The following MANEA variants were observed in gnomAD, a reference collection of about 807,000 sequenced individuals.
MANEA encodes mannosidase endo-alpha.
In MANEA, 25 loss-of-function variants were observed where a neutral mutation model predicts 36.8. The ratio of observed to expected loss-of-function variants is 0.68; its 90% CI spans 0.50 to 0.95. MANEA has a LOEUF of 0.95. Among genes scored for constraint, MANEA ranks in the 40% least tolerant of loss-of-function variants. MANEA has a pLI of 0.00. For synonymous variants in MANEA, 198 were observed against 188.5 expected (o/e 1.05, Z -0.41); for missense variants, 565 against 558.8 (o/e 1.01, Z -0.11).
intron 1 of MANEA, among the ~76,000 whole-genome samples, chr6:95,581,373 C>T (rs1562194597): frequency 1.3e-5 from 2 of 151,768 alleles, no homozygotes; most frequent in Admixed American, 6.6e-5. Context: ...AGAGGATCAG[C>T]TTAAGAAATT....
At position 95,594,032 on chromosome 6, in the gene MANEA, A is replaced by G. The variant is rs939528234; in HGVS notation, c.545-2705A>G. ...AGCTGAGATTGTGCCACTGCACTCC[A>G]GCCTGGCAACAGAGCAAGATTCCGT... On this transcript the variant is annotated intron_variant, in intron 2 of 4. Transcript: ENST00000358812. 2.0e-5 allele frequency among the ~76,000 whole-genome samples: 3 copies of G among 152,120 alleles called. No homozygotes were observed. In the East Asian group the frequency reaches 5.8e-4, roughly 29 times the overall value.
At chr6:95,599,930 C>T (rs1769556469) in intron 3 of MANEA, among the ~76,000 whole-genome samples, 1 of 152,120 alleles carries the variant, frequency 6.6e-6, no homozygotes, top group African/African-American at 2.4e-5. Flanking sequence ...GGTGCCCAGG[C>T]TGAGGTTGGG....
At chr6:95,601,286 A>C (rs966253900) in intron 3 of MANEA, among the ~76,000 whole-genome samples, 1 of 152,192 alleles carries the variant, frequency 6.6e-6, no homozygotes, top group Non-Finnish European at 1.5e-5. Context: ...TGAGTAAGAC[A>C]TGACAGAAAT....
intron 3 of MANEA, 67 bp downstream of exon 3, chr6:95,596,913 T>G: frequency 1.5e-6 from 1 of 681,064 alleles, no homozygotes; most frequent in Admixed American, 2.4e-5. Flanking sequence ...GTAATAACAA[T>G]TTTTGAAATA....
At chr6:95,597,694 A>G (rs1769506019) in intron 3 of MANEA, among the ~76,000 whole-genome samples, 1 of 152,044 alleles carries the variant, frequency 6.6e-6, no homozygotes, top group Admixed American at 6.6e-5. Flanking sequence ...ATAACTCTGA[A>G]ATTTAAGTGA....
At chr6:95,599,453 T>C (rs1769548934) in intron 3 of MANEA, among the ~76,000 whole-genome samples, 1 of 151,758 alleles carries the variant, frequency 6.6e-6, no homozygotes, top group African/African-American at 2.4e-5. Flanking sequence ...TTCTTTTAAC[T>C]AGAGACCACT....
At chr6:95,580,149 A>G (rs1394993075) in intron 1 of MANEA, among the ~76,000 whole-genome samples, 1 of 152,114 alleles carries the variant, frequency 6.6e-6, no homozygotes, top group Non-Finnish European at 1.5e-5. Flanking sequence ...TAATATGTTC[A>G]GTATACACCG....
chr6:95,606,133 A>G lies in MANEA; in HGVS notation c.1117A>G (p.Thr373Ala), dbSNP rs775802876. The G allele has an allele frequency of 1.9e-6, 3 of 1,613,976 alleles. No homozygotes were observed. In the South Asian group the frequency reaches 3.3e-5, roughly 18 times the overall value. Residue 373 changes from threonine to alanine, a missense_variant, in exon 5 of 5, where the codon ACT (threonine) becomes GCT (alanine). Physicochemically the swap from Thr to Ala is moderately conservative, Grantham distance 58. Coordinates refer to ENST00000358812, the MANE Select transcript of MANEA (RefSeq NM_024641.4). ...TSIRPWNTQN[T>A]RNRINGKYYE... Reference sequence around the variant, plus strand: ...CATCCGTCCATGGAACACGCAAAACACTCGGAACCGAATCAATGGGAAGTA... The same window carrying G: ...CATCCGTCCATGGAACACGCAAAACGCTCGGAACCGAATCAATGGGAAGTA...
In MANEA at chr6:95,605,841, T is replaced by C; in HGVS notation, c.825T>C (p.Pro275=). 1 of 1,613,950 alleles carries C rather than the reference T, an allele frequency of 6.2e-7. No homozygotes were observed. The highest frequency in any genetic ancestry group is 1.1e-5 in the South Asian group (1 of 91,068). The change falls in exon 5 of 5, where the codon CCT becomes CCC. Residue 275 remains proline, a synonymous_variant. Transcript: ENST00000358812. The part of the protein sequence containing the change: ...FYVYDSYITK[P]EKWANLLTTS... ...TCTATGATTCCTATATTACCAAGCC[T>C]GAAAAATGGGCCAATCTGTTAACCA...
intron 1 of MANEA, among the ~76,000 whole-genome samples, chr6:95,581,750 C>A (rs1338442383): frequency 6.6e-6 from 1 of 152,140 alleles, no homozygotes; most frequent in African/African-American, 2.4e-5. Flanking sequence ...CAGCTGAAGT[C>A]AACGTTTCAA....
chr6:95,591,527 G>A (rs1309790816), intron 2 of MANEA, among the ~76,000 whole-genome samples: 1 of 151,476 alleles, frequency 6.6e-6, no homozygotes, highest in Non-Finnish European at 1.5e-5. Flanking sequence ...TTTTCTGGCT[G>A]CATTTAATTT....
intron 3 of MANEA, among the ~76,000 whole-genome samples, chr6:95,604,044 GCGTATATA>G (rs1175486818): frequency 7.7e-6 from 1 of 130,474 alleles, no homozygotes; most frequent in Non-Finnish European, 1.6e-5. Context: ...ATGTATGTGT[GCGTATATA>G]TGTATGTAGG....
intron 4 of MANEA, 129 bp downstream of exon 4, chr6:95,605,032 T>C (rs1217097729): frequency 5.1e-6 from 2 of 393,034 alleles, no homozygotes; most frequent in Non-Finnish European, 9.2e-6. Context: ...TAAAATTAAA[T>C]TGTTATTGTA....
At chr6:95,580,386 A>G (rs2127936888) in intron 1 of MANEA, among the ~76,000 whole-genome samples, 1 of 152,308 alleles carries the variant, frequency 6.6e-6, no homozygotes, top group South Asian at 2.1e-4. Context: ...GGAGCAATCT[A>G]GTAGGTGATA....
intron 2 of MANEA, chr6:95,587,260 A>G (rs1582221718): frequency 2.7e-6 from 1 of 376,474 alleles, no homozygotes; most frequent in Non-Finnish European, 4.9e-6. Flanking sequence ...TTAAATTATG[A>G]TTTACATAAA....
At chr6:95,584,415 T>C (rs568100512) in intron 1 of MANEA, among the ~76,000 whole-genome samples, 3 of 152,244 alleles carry the variant, frequency 2.0e-5, no homozygotes, top group African/African-American at 7.2e-5. Flanking sequence ...AAGCGGCCGC[T>C]CTGGGAGTGT....
chr6:95,589,886 T>A (rs1172214655), intron 2 of MANEA: 7 of 152,142 alleles, frequency 4.6e-5, no homozygotes, highest in Non-Finnish European at 8.8e-5. Flanking sequence ...GCATTATCCT[T>A]CATTATTTGG....
intron 1 of MANEA, among the ~76,000 whole-genome samples, chr6:95,580,569 C>CA (rs1163829106): frequency 1.7e-4 from 26 of 151,208 alleles, no homozygotes; most frequent in African/African-American, 6.3e-4. Flanking sequence ...ACTAAAAATA[C>CA]AAAAAATTAG....
At chr6:95,600,558 T>G (rs932164855) in intron 3 of MANEA, among the ~76,000 whole-genome samples, 1 of 152,234 alleles carries the variant, frequency 6.6e-6, no homozygotes, top group African/African-American at 2.4e-5. Context: ...AAACTTTCCC[T>G]TTTCTTGCTA....
Sources: gnomAD v4.1 joint callset for allele counts (sites outside exome capture counted in the v4.1 genomes callset) on GRCh38, gnomAD v4.1.1 for gene constraint, MANE v1.5 for transcripts, NCBI Gene and HGNC (gene_info 2026-07-23, HGNC 2026-07-21) for gene names.